Variants in NRCAM observed in about 807,000 individuals in gnomAD.
NRCAM encodes NgCAM-related cell adhesion molecule.
NRCAM carries 83 observed loss-of-function variants against 156.5 expected under a neutral mutation model. The observed-to-expected ratio is 0.53, with a 90% confidence interval of 0.44 to 0.64. NRCAM has a LOEUF of 0.64. Ranked by LOEUF, NRCAM falls within the 30% of genes least tolerant of loss-of-function variation. The pLI is 0.00. For missense variants in NRCAM, 1,417 were observed against 1,597.3 expected, an observed-to-expected ratio of 0.89 and a Z score of 1.92; for synonymous variants, 538 against 563.9, an observed-to-expected ratio of 0.95 and a Z score of 0.65.
intron 1 of NRCAM, among the ~76,000 whole-genome samples, chr7:108,416,568 G>A (rs986246996): frequency 2.7e-4 from 30 of 109,246 alleles, no homozygotes; most frequent in African/African-American, 1.0e-3. Context: ...CTACTACTTC[G>A]GGAAAGAGAC....
At chr7:108,197,400 A>G (rs970017371) in intron 14 of NRCAM, among the ~76,000 whole-genome samples, 1 of 152,190 alleles carries the variant, frequency 6.6e-6, no homozygotes, top group Non-Finnish European at 1.5e-5. Context: ...ATTCTCACAA[A>G]AATTTTAACA....
At chr7:108,227,238 C>T (rs1326634180) in intron 8 of NRCAM, among the ~76,000 whole-genome samples, 1 of 152,204 alleles carries the variant, frequency 6.6e-6, no homozygotes, top group African/African-American at 2.4e-5. Flanking sequence ...CTCTGACTTT[C>T]CAGTGTCAAG....
Position 108,239,954 on chromosome 7 carries a change from C to T in NRCAM, c.106+5G>A. 6.3e-7 allele frequency: 1 copy of T among 1,594,554 alleles called. No homozygotes were observed. Among genetic ancestry groups the T allele is most frequent in the Non-Finnish European group, 8.6e-7 (1 of 1,163,732 alleles). On this transcript the variant is annotated splice_donor_5th_base_variant and intron_variant, in intron 4 of 32. Coordinates refer to ENST00000379028, the MANE Select transcript of NRCAM (RefSeq NM_001037132.4). ...GCCTAACAGCTTTAAAACGTTAATA[C>T]TTACGATCAAGAGGTACTTCCAGTG...
At chr7:108,378,563 A>G (rs1156820603) in intron 2 of NRCAM, among the ~76,000 whole-genome samples, 1 of 151,904 alleles carries the variant, frequency 6.6e-6, no homozygotes, top group Non-Finnish European at 1.5e-5. Flanking sequence ...ATAGTGCCTA[A>G]GAATTCTTCA....
chr7:108,339,508 C>G (rs1410003983), intron 2 of NRCAM, among the ~76,000 whole-genome samples: 1 of 152,160 alleles, frequency 6.6e-6, no homozygotes, highest in African/African-American at 2.4e-5. Context: ...ATGAAATACT[C>G]AGGAATGCAG....
chr7:108,159,226 A>T, intron 32 of NRCAM: 1 of 680,936 alleles, frequency 1.5e-6, no homozygotes, highest in Non-Finnish European at 2.7e-6. Context: ...AAAATATGAC[A>T]AAGTGGGAGA....
At chr7:108,177,682 C>T (rs1416115920) in intron 26 of NRCAM, among the ~76,000 whole-genome samples, 6 of 15,590 alleles carry the variant, frequency 3.8e-4, no homozygotes, top group Non-Finnish European at 5.4e-4. Context: ...TATATATATA[C>T]GTGTATATAT....
chr7:108,184,400 C>A lies in NRCAM; in HGVS notation c.2233+17G>T. The A allele has an allele frequency of 6.2e-7, 1 of 1,614,010 alleles. No individual in the cohort carries two copies. The highest frequency in any genetic ancestry group is 1.3e-5 in the African/African-American group (1 of 75,056). ...TATTATATTTCGTACCCTAGAAGTCCCGCTTTCCCGCTTTACCTGAGGCTT... is the reference window on the plus strand; with the variant it reads ...TATTATATTTCGTACCCTAGAAGTCACGCTTTCCCGCTTTACCTGAGGCTT... On this transcript the variant is annotated intron_variant, in intron 21 of 32. Coordinates refer to ENST00000379028, the MANE Select transcript of NRCAM (RefSeq NM_001037132.4).
chr7:108,437,208 T>C (rs1833266613), intron 1 of NRCAM, among the ~76,000 whole-genome samples: 1 of 152,070 alleles, frequency 6.6e-6, no homozygotes, highest in African/African-American at 2.4e-5. Context: ...ATGTGGGATC[T>C]AAAAAATCAA....
chr7:108,438,112 G>A (rs1217045362), intron 1 of NRCAM, among the ~76,000 whole-genome samples: 1 of 151,620 alleles, frequency 6.6e-6, no homozygotes, highest in Non-Finnish European at 1.5e-5. Flanking sequence ...GGCTTCACTG[G>A]TGAATTCTAC....
intron 20 of NRCAM, among the ~76,000 whole-genome samples, chr7:108,186,351 G>A (rs1396767202): frequency 6.6e-6 from 1 of 152,178 alleles, no homozygotes; most frequent in Admixed American, 6.5e-5. Context: ...GTCCATGACA[G>A]CATCTCAAAC....
intron 14 of NRCAM, among the ~76,000 whole-genome samples, chr7:108,196,892 C>CCCTT (rs2075435555): frequency 2.6e-5 from 4 of 152,106 alleles, no homozygotes; most frequent in Non-Finnish European, 2.9e-5. Flanking sequence ...TATTTGAACT[C>CCCTT]CCTTGTTCAT....
intron 2 of NRCAM, among the ~76,000 whole-genome samples, chr7:108,324,720 C>T (rs2099045616): frequency 1.3e-5 from 2 of 152,098 alleles, no homozygotes; most frequent in South Asian, 4.1e-4. Context: ...ATAACGTCTA[C>T]AAATCTGTAT....
intron 30 of NRCAM, among the ~76,000 whole-genome samples, chr7:108,164,385 G>C (rs902948936): frequency 1.3e-5 from 2 of 152,098 alleles, no homozygotes; most frequent in Non-Finnish European, 2.9e-5. Context: ...ATGGTGTAAT[G>C]GTAGGAAGAT....
At chr7:108,356,283 C>T (rs1275315561) in intron 2 of NRCAM, among the ~76,000 whole-genome samples, 1 of 152,108 alleles carries the variant, frequency 6.6e-6, no homozygotes. Context: ...AGACCACATT[C>T]ACATAATTTT....
intron 1 of NRCAM, among the ~76,000 whole-genome samples, chr7:108,412,141 T>C (rs1394193285): frequency 6.6e-6 from 1 of 152,110 alleles, no homozygotes; most frequent in African/African-American, 2.4e-5. Context: ...GCCAACACTA[T>C]ATACCATCAA....
At chr7:108,367,752 GAAGTT>G (rs1470548300) in intron 2 of NRCAM, among the ~76,000 whole-genome samples, 1 of 152,080 alleles carries the variant, frequency 6.6e-6, no homozygotes. Flanking sequence ...ATTTTTTTGA[GAAGTT>G]AAGAAAAAGT....
chr7:108,319,160 C>A (rs1026332070), intron 2 of NRCAM, among the ~76,000 whole-genome samples: 7 of 152,028 alleles, frequency 4.6e-5, no homozygotes, highest in Non-Finnish European at 1.0e-4. Context: ...TATTTTACCA[C>A]AATAAAAAAG....
intron 3 of NRCAM, among the ~76,000 whole-genome samples, chr7:108,263,242 C>T (rs527890949): frequency 6.4e-4 from 97 of 152,314 alleles, no homozygotes; most frequent in African/African-American, 1.5e-3. Flanking sequence ...TATTTCACTG[C>T]GTTCATGAAA....
Sources: allele counts gnomAD v4.1 joint callset (sites outside exome capture counted in the v4.1 genomes callset), GRCh38; gene constraint gnomAD v4.1.1; transcripts MANE v1.5; gene names NCBI Gene and HGNC (gene_info 2026-07-23, HGNC 2026-07-21).